The following ADAMTS17 variants were observed in gnomAD, a reference collection of about 807,000 sequenced individuals.
ADAMTS17 encodes A disintegrin and metalloproteinase with thrombospondin motifs 17.
Under a neutral mutation model 141.5 loss-of-function variants are expected in ADAMTS17, and 113 were observed. That is an observed-to-expected ratio of 0.80 (90% CI 0.69 to 0.93). The LOEUF is 0.93. Among genes scored for constraint, ADAMTS17 ranks in the 40% least tolerant of loss-of-function variants. The pLI, the probability that ADAMTS17 is intolerant of heterozygous loss-of-function variation, is 0.00. For missense variants in ADAMTS17, 1,659 were observed against 1,517.9 expected, an observed-to-expected ratio of 1.09 and a Z score of -1.54; for synonymous variants, 768 against 630.6, an observed-to-expected ratio of 1.22 and a Z score of -3.27.
intron 7 of ADAMTS17, among the ~76,000 whole-genome samples, chr15:100,208,683 CTATCTA>C (rs199669555): frequency 0.013 from 2,050 of 152,240 alleles, 24 homozygotes; most frequent in South Asian, 0.019. Flanking sequence ...CTTAGATACA[CTATCTA>C]TATGTAAATT....
chr15:100,270,622 G>T (rs2043872871), intron 4 of ADAMTS17, among the ~76,000 whole-genome samples: 2 of 151,296 alleles, frequency 1.3e-5, no homozygotes, highest in Admixed American at 1.3e-4. Context: ...AATATTTCTG[G>T]ATCATCTCCT....
intron 3 of ADAMTS17, among the ~76,000 whole-genome samples, chr15:100,316,597 C>A (rs535726579): frequency 7.3e-4 from 111 of 152,336 alleles, no homozygotes; most frequent in African/African-American, 2.6e-3. Flanking sequence ...CTCCCTGACA[C>A]TGACCACCTG....
chr15:100,173,559 A>G (rs909408560), intron 8 of ADAMTS17, among the ~76,000 whole-genome samples: 2 of 152,168 alleles, frequency 1.3e-5, no homozygotes, highest in Non-Finnish European at 2.9e-5. Context: ...GGGAAGCAAT[A>G]CCCTTAAGGC....
At chr15:100,329,746 T>A (rs1270369983) in intron 3 of ADAMTS17, among the ~76,000 whole-genome samples, 1 of 152,100 alleles carries the variant, frequency 6.6e-6, no homozygotes, top group Non-Finnish European at 1.5e-5. Context: ...TCCAGCACAA[T>A]CACCTCTAAT....
intron 3 of ADAMTS17, among the ~76,000 whole-genome samples, chr15:100,302,247 A>G (rs1242114974): frequency 1.3e-5 from 2 of 152,198 alleles, no homozygotes; most frequent in Non-Finnish European, 2.9e-5. Flanking sequence ...TCAGTGCTTC[A>G]TTCCTTTTTA....
intron 15 of ADAMTS17, among the ~76,000 whole-genome samples, chr15:100,075,626 G>A (rs2034318469): frequency 6.6e-6 from 1 of 152,078 alleles, no homozygotes; most frequent in African/African-American, 2.4e-5. Flanking sequence ...TAACTATTAG[G>A]CTATTCATAG....
chr15:100,316,127 T>C (rs552955917), intron 3 of ADAMTS17, among the ~76,000 whole-genome samples: 23 of 152,326 alleles, frequency 1.5e-4, no homozygotes, highest in Non-Finnish European at 3.1e-4. Flanking sequence ...CTTTCTTAAG[T>C]TACTAGCATT....
intron 13 of ADAMTS17, among the ~76,000 whole-genome samples, chr15:100,109,406 A>T (rs1227963414): frequency 6.6e-6 from 1 of 150,914 alleles, no homozygotes; most frequent in East Asian, 1.9e-4. Context: ...CGGTGAACAA[A>T]GGAAGAGTTG....
intron 12 of ADAMTS17, among the ~76,000 whole-genome samples, chr15:100,122,851 G>A (rs1322699591): frequency 1.3e-5 from 2 of 152,276 alleles, no homozygotes; most frequent in Admixed American, 1.3e-4. Flanking sequence ...GCTGTCTCAG[G>A]AGCAGCAGAG....
chr15:100,300,389 A>G (rs1421914667), intron 3 of ADAMTS17, among the ~76,000 whole-genome samples: 1 of 152,204 alleles, frequency 6.6e-6, no homozygotes, highest in African/African-American at 2.4e-5. Flanking sequence ...AGGACCCTTC[A>G]GAGCAAAACG....
intron 10 of ADAMTS17, among the ~76,000 whole-genome samples, chr15:100,149,034 G>A (rs549896444): frequency 1.2e-4 from 18 of 152,262 alleles, no homozygotes; most frequent in South Asian, 4.2e-4. Context: ...GAAAGGAGGC[G>A]GCACACGCCT....
chr15:100,166,877 C>T (rs971623970), intron 8 of ADAMTS17, among the ~76,000 whole-genome samples: 2 of 152,200 alleles, frequency 1.3e-5, no homozygotes, highest in African/African-American at 4.8e-5. Context: ...GCACCAGGCC[C>T]ATAGCAGTGA....
intron 15 of ADAMTS17, among the ~76,000 whole-genome samples, chr15:100,091,028 A>AAAAAAG (rs369355348): frequency 7.0e-6 from 1 of 143,638 alleles, no homozygotes; most frequent in African/African-American, 2.7e-5. Context: ...AAAAAAAAAA[A>AAAAAAG]GGGTAACCAA....
intron 18 of ADAMTS17, among the ~76,000 whole-genome samples, chr15:100,043,721 A>G (rs1403903197): frequency 6.6e-6 from 1 of 152,258 alleles, no homozygotes; most frequent in African/African-American, 2.4e-5. Context: ...AGGCAAAAAT[A>G]TTTATTCTCT....
chr15:100,292,184 C>T (rs1462406559), intron 3 of ADAMTS17, among the ~76,000 whole-genome samples: 4 of 148,514 alleles, frequency 2.7e-5, no homozygotes, highest in Admixed American at 6.6e-5. Context: ...GAGACACGCT[C>T]ACCCCGTGGG....
At position 100,222,061 on chromosome 15, in the gene ADAMTS17, T is replaced by TA. The variant is rs376954013; in HGVS notation, c.1076-22639dup. 1.1e-3 allele frequency among the ~76,000 whole-genome samples: 175 copies of TA among 152,322 alleles called. 1 individual carries two copies. The highest frequency in any genetic ancestry group is 3.8e-3 in the African/African-American group (160 of 41,584). ...ATTAAACGAAGTCACGCCTTAGCCT[T>TA]AAGAGTGCTTTCATGGCAGTCTGAT... On this transcript the variant is annotated intron_variant, in intron 7 of 21. Transcript: ENST00000268070.
At chr15:100,292,246 G>A (rs996721733) in intron 3 of ADAMTS17, among the ~76,000 whole-genome samples, 7 of 151,958 alleles carry the variant, frequency 4.6e-5, no homozygotes, top group Admixed American at 1.3e-4. Context: ...CGCTCACCCC[G>A]TGAGAAACTA....
At chr15:100,140,623 T>G (rs1383820606) in intron 10 of ADAMTS17, among the ~76,000 whole-genome samples, 1 of 151,960 alleles carries the variant, frequency 6.6e-6, no homozygotes, top group Non-Finnish European at 1.5e-5. Context: ...TTATCAGGGT[T>G]GTCTCTTTCC....
At chr15:100,040,799 T>C (rs2031182035) in intron 18 of ADAMTS17, among the ~76,000 whole-genome samples, 1 of 152,218 alleles carries the variant, frequency 6.6e-6, no homozygotes, top group Non-Finnish European at 1.5e-5. Flanking sequence ...GGTGACATCC[T>C]GAAATTTGTG....
Sources: gnomAD v4.1 joint callset for allele counts (sites outside exome capture counted in the v4.1 genomes callset) on GRCh38, gnomAD v4.1.1 for gene constraint, MANE v1.5 for transcripts, NCBI Gene and HGNC (gene_info 2026-07-23, HGNC 2026-07-21) for gene names.